Variants in SLC26A7 observed in about 807,000 individuals in gnomAD.
SLC26A7 encodes the protein solute carrier family 26 member 7, also known as anion exchange transporter.
A neutral mutation model predicts 82.5 loss-of-function variants in SLC26A7; 59 were observed. That is an observed-to-expected ratio of 0.72 (90% CI 0.58 to 0.89). The LOEUF is 0.89. Ranked by LOEUF, SLC26A7 falls within the 40% of genes least tolerant of loss-of-function variation. SLC26A7 has a pLI of 0.00. For synonymous variants in SLC26A7, 271 were observed against 274.3 expected (o/e 0.99, Z 0.12); for missense variants, 820 against 793.0 (o/e 1.03, Z -0.41).
At chr8:91,316,979 C>A (rs564407106) in intron 4 of SLC26A7, among the ~76,000 whole-genome samples, 4 of 100,892 alleles carry the variant, frequency 4.0e-5, no homozygotes, top group Admixed American at 1.5e-4. Context: ...CACAGTGAGA[C>A]CCTGTCTCTA....
chr8:91,243,549 G>T lies in SLC26A7; in HGVS notation c.-33-6070G>T, dbSNP rs533369147. Among the ~76,000 whole-genome samples the T allele has an allele frequency of 2.0e-5, 3 of 152,306 alleles. No individual in the cohort carries two copies. In the South Asian group the frequency reaches 6.2e-4, roughly 32 times the overall value. On this transcript the variant is annotated intron_variant, in intron 2 of 5. Coordinates refer to the SLC26A7 transcript ENST00000522862. ...CAAAGCAGCTAGATTTCACATGGCA[G>T]AGTACCAGAGAGAGGAGAGACACAC...
chr8:91,330,407 A>G (rs1813048136), intron 5 of SLC26A7, among the ~76,000 whole-genome samples: 1 of 152,162 alleles, frequency 6.6e-6, no homozygotes, highest in African/African-American at 2.4e-5. Context: ...ATGATATTCT[A>G]AGAAATATAG....
In SLC26A7 at chr8:91,252,767, G is replaced by T. The variant is rs1005535237; in HGVS notation, c.193+2923G>T. ...GACTACCTTTTCCAGCTTTCTTTGA[G>T]GTTAGGTGTTGCCCTGTGATTATAT... On this transcript the variant is annotated intron_variant, in intron 2 of 18. Coordinates refer to ENST00000276609, the MANE Select transcript of SLC26A7 (RefSeq NM_052832.4). Among the ~76,000 whole-genome samples the T allele has an allele frequency of 5.3e-5, 8 of 152,114 alleles. No individual in the cohort carries two copies. In the East Asian group the frequency reaches 1.5e-3, roughly 29 times the overall value.
At chr8:91,325,181 C>T (rs1009654150) in intron 5 of SLC26A7, among the ~76,000 whole-genome samples, 2 of 152,152 alleles carry the variant, frequency 1.3e-5, no homozygotes, top group Non-Finnish European at 2.9e-5. Flanking sequence ...TTTAGCTAAC[C>T]TCTCCAAGTC....
At chr8:91,373,794 G>C (rs1027414363) in intron 15 of SLC26A7, among the ~76,000 whole-genome samples, 1 of 151,964 alleles carries the variant, frequency 6.6e-6, no homozygotes, top group Non-Finnish European at 1.5e-5. Flanking sequence ...GTTTCAATGA[G>C]CTTGGCACTA....
intron 13 of SLC26A7, among the ~76,000 whole-genome samples, chr8:91,365,307 TAAAC>T (rs1469040014): frequency 1.3e-5 from 2 of 152,196 alleles, no homozygotes; most frequent in African/African-American, 4.8e-5. Flanking sequence ...TGATAGTTGA[TAAAC>T]TAAACAAAAA....
chr8:91,299,869 A>G (rs969412927), intron 4 of SLC26A7, among the ~76,000 whole-genome samples: 3 of 152,254 alleles, frequency 2.0e-5, no homozygotes, highest in Non-Finnish European at 2.9e-5. Context: ...GTTCTATGCT[A>G]TGCTTTCTTC....
At chr8:91,322,587 C>A (rs1812822460) in intron 5 of SLC26A7, among the ~76,000 whole-genome samples, 1 of 152,054 alleles carries the variant, frequency 6.6e-6, no homozygotes, top group South Asian at 2.1e-4. Context: ...CCAAAAGGCA[C>A]AATAAAAATT....
At chr8:91,350,614 C>T (rs530522979) in intron 9 of SLC26A7, among the ~76,000 whole-genome samples, 28 of 151,814 alleles carry the variant, frequency 1.8e-4, no homozygotes, top group African/African-American at 6.8e-4. Context: ...TAGTATGTAG[C>T]CTTTTGTGTT....
intron 18 of SLC26A7, chr8:91,394,375 T>A (rs947317897): frequency 6.5e-7 from 1 of 1,538,458 alleles, no homozygotes; most frequent in African/African-American, 1.4e-5. Context: ...CTTTCTCAAA[T>A]ATAAAAACTC....
intron 3 of SLC26A7, among the ~76,000 whole-genome samples, chr8:91,291,794 T>A (rs1811876697): frequency 6.6e-6 from 1 of 152,222 alleles, no homozygotes; most frequent in Non-Finnish European, 1.5e-5. Flanking sequence ...ATAAATAATA[T>A]GCATTTCAAA....
At chr8:91,289,917 G>A (rs540869104) in intron 3 of SLC26A7, among the ~76,000 whole-genome samples, 3 of 152,140 alleles carry the variant, frequency 2.0e-5, no homozygotes, top group African/African-American at 7.2e-5. Context: ...AAACCTGGGT[G>A]CATATCTTAT....
At chr8:91,292,677 T>C (rs907693596) in intron 3 of SLC26A7, among the ~76,000 whole-genome samples, 55 of 152,046 alleles carry the variant, frequency 3.6e-4, no homozygotes, top group African/African-American at 1.3e-3. Context: ...TATAAAGACA[T>C]GAAACATGCT....
intron 9 of SLC26A7, among the ~76,000 whole-genome samples, chr8:91,350,918 C>A (rs1453683156): frequency 2.6e-5 from 4 of 152,112 alleles, no homozygotes; most frequent in African/African-American, 9.7e-5. Flanking sequence ...TTCCCACCAG[C>A]AATGCCTGAG....
chr8:91,253,116 A>G (rs1460759395), intron 2 of SLC26A7, among the ~76,000 whole-genome samples: 2 of 152,158 alleles, frequency 1.3e-5, no homozygotes, highest in East Asian at 1.9e-4. Flanking sequence ...TGCAAGCAGT[A>G]TTGTAAGAAC....
At chr8:91,373,356 G>T (rs2130884501) in intron 15 of SLC26A7, among the ~76,000 whole-genome samples, 1 of 152,012 alleles carries the variant, frequency 6.6e-6, no homozygotes, top group South Asian at 2.1e-4. Flanking sequence ...TTTGGAGATG[G>T]GTTTGTTGTA....
At chr8:91,332,807 G>A (rs1253828239) in intron 5 of SLC26A7, among the ~76,000 whole-genome samples, 1 of 151,918 alleles carries the variant, frequency 6.6e-6, no homozygotes, top group Non-Finnish European at 1.5e-5. Context: ...TCTGGGTGGT[G>A]AGCCACCACA....
intron 4 of SLC26A7, among the ~76,000 whole-genome samples, chr8:91,302,892 C>T (rs573663849): frequency 1.3e-3 from 191 of 142,776 alleles, no homozygotes; most frequent in African/African-American, 4.8e-3. Flanking sequence ...AGATTTATTG[C>T]CATGGTTTTA....
Position 91,249,659 on chromosome 8 carries a change from G to A in SLC26A7, c.8G>A (p.Gly3Glu), listed in dbSNP as rs756422021. Reference sequence around the variant, plus strand: ...CAAGAAGAAATCTGAAAAATGACAGGAGCAAAGAGGAAAAAGAAAAGCATG... The same window carrying A: ...CAAGAAGAAATCTGAAAAATGACAGAAGCAAAGAGGAAAAAGAAAAGCATG... MT[G>E]AKRKKKSMLW... The change falls in exon 2 of 19, where the codon GGA becomes GAA. Residue 3 changes from glycine to glutamate, a missense_variant. Transcript: ENST00000276609. The A allele has an allele frequency of 5.2e-6, 8 of 1,525,130 alleles. No homozygotes were observed. Among genetic ancestry groups the A allele is most frequent in the Non-Finnish European group, 7.0e-6 (8 of 1,138,816 alleles). The allele number at this position is 1,525,130 out of a possible 1,614,324, so 94.5% of individuals were successfully genotyped here.
Sources: gnomAD v4.1 joint callset for allele counts (sites outside exome capture counted in the v4.1 genomes callset) on GRCh38, gnomAD v4.1.1 for gene constraint, MANE v1.5 for transcripts, NCBI Gene and HGNC (gene_info 2026-07-23, HGNC 2026-07-21) for gene names.